The following UBAP2 variants were observed in gnomAD, a reference collection of about 807,000 sequenced individuals.
UBAP2 encodes ubiquitin associated protein 2, also known as ubiquitin-associated protein 2.
Under a neutral mutation model 139.6 loss-of-function variants are expected in UBAP2, and 75 were observed. The observed-to-expected ratio is 0.54, with a 90% CI of 0.45 to 0.65. The LOEUF is 0.65. UBAP2 is among the 30% of genes least tolerant of loss of function. The pLI is 0.00. For synonymous variants in UBAP2, 526 were observed against 526.2 expected (o/e 1.00, Z 0.01); for missense variants, 1,368 against 1,369.6 (o/e 1.00, Z 0.02).
chr9:33,948,776 A>C, intron 12 of UBAP2, 189 bp from the exon 13 acceptor site: 1 of 513,202 alleles, frequency 1.9e-6, no homozygotes, highest in Non-Finnish European at 3.4e-6. Flanking sequence ...AAATAAATGC[A>C]GCTATCCTTC....
rs186629031 is a variant in UBAP2 at position 34,024,125 on chromosome 9, G to A, written c.-41-6936C>T. ...TGTAATCCCAGCATTTTGGGAGGCC[G>A]AGCCGGCTGGATCACCTGAGGTCGG... On this transcript the variant is annotated intron_variant, in intron 1 of 28. Transcript: ENST00000379238. Among the ~76,000 whole-genome samples, 11 of 152,186 alleles carry A rather than the reference G, an allele frequency of 7.2e-5. No individual in the cohort carries two copies. The East Asian group carries it at 9.7e-4, about 13-fold the overall frequency.
chr9:33,950,064 TTTC>T (rs139439472), intron 12 of UBAP2, among the ~76,000 whole-genome samples: 29,108 of 151,904 alleles, frequency 0.19, 2,873 homozygotes, highest in South Asian at 0.36. Context: ...TAACATTTCT[TTTC>T]TTTTCTTTTT....
chr9:33,932,412 G>C, intron 19 of UBAP2, 150 bp downstream of exon 19: 1 of 869,238 alleles, frequency 1.2e-6, no homozygotes, highest in Non-Finnish European at 1.7e-6. Flanking sequence ...GAAATCAGAA[G>C]CTCGAACCAG....
At chr9:33,957,067 G>A (rs1826627562) in intron 10 of UBAP2, among the ~76,000 whole-genome samples, 1 of 151,426 alleles carries the variant, frequency 6.6e-6, no homozygotes, top group Admixed American at 6.6e-5. Context: ...CCAGCCTAGG[G>A]GACAAAGTGA....
intron 15 of UBAP2, among the ~76,000 whole-genome samples, chr9:33,942,951 A>G: frequency 6.6e-6 from 1 of 152,186 alleles, no homozygotes; most frequent in Non-Finnish European, 1.5e-5. Flanking sequence ...TGGGATATAC[A>G]TCCCAAAGAA....
chr9:33,964,166 G>A (rs143290998), intron 8 of UBAP2, among the ~76,000 whole-genome samples: 561 of 152,254 alleles, frequency 3.7e-3, no homozygotes, highest in African/African-American at 0.013. Flanking sequence ...CCTCATATCA[G>A]GAATAGATTT....
chr9:34,028,734 T>C (rs907727955), intron 1 of UBAP2, among the ~76,000 whole-genome samples: 1 of 151,890 alleles, frequency 6.6e-6, no homozygotes, highest in African/African-American at 2.4e-5. Context: ...CTGGAATCTC[T>C]TGAAAAGCAT....
chr9:33,936,781 A>G (rs978792582), intron 16 of UBAP2, among the ~76,000 whole-genome samples: 4 of 152,152 alleles, frequency 2.6e-5, no homozygotes, highest in African/African-American at 9.7e-5. Context: ...GAAATGGACA[A>G]ATTCCTTGAC....
At chr9:33,973,649 G>A (rs1428940972) in intron 6 of UBAP2, among the ~76,000 whole-genome samples, 1 of 152,170 alleles carries the variant, frequency 6.6e-6, no homozygotes, top group Non-Finnish European at 1.5e-5. Flanking sequence ...ACTAGTCTGT[G>A]ATCAAAGATC....
intron 1 of UBAP2, among the ~76,000 whole-genome samples, chr9:34,029,865 T>C (rs1318844749): frequency 1.3e-5 from 2 of 151,448 alleles, no homozygotes; most frequent in African/African-American, 4.8e-5. Context: ...GGGGCACCTG[T>C]AATCCCAGCT....
At chr9:34,035,510 A>ATATATATATATAT (rs1554692760) in intron 1 of UBAP2, among the ~76,000 whole-genome samples, 4 of 3,812 alleles carry the variant, frequency 1.0e-3, no homozygotes, top group African/African-American at 1.8e-3. Context: ...TAAAAAAAAA[A>ATATATATATATAT]AAAAATATAT....
In UBAP2 at chr9:33,927,824, T is replaced by C. The variant is rs1823591787; in HGVS notation, c.2344A>G (p.Ser782Gly). 1.2e-6 allele frequency: 2 copies of C among 1,613,640 alleles called. No homozygotes were observed. Among genetic ancestry groups the C allele is most frequent in the African/African-American group, 1.3e-5 (1 of 74,940 alleles). ...GTPASASSSS[S>G]RAAPLVTSGK... ...GAGGTCACCAAGGGCGCGGCCCTGC[T>C]ACTGCTGCTGGATGCACTCGCGGGG... Residue 782 changes from serine to glycine, a missense_variant, in exon 20 of 29, where the codon AGC becomes GGC. By Grantham distance (56) the Ser-to-Gly change is moderately conservative. Transcript: ENST00000379238.
At position 33,944,624 on chromosome 9, in the gene UBAP2, G is replaced by C. The variant is rs10971809; in HGVS notation, c.1286C>G (p.Pro429Arg). Reference sequence around the variant, plus strand: ...CTGGCTAAGAACTGGGGATGGCTCAGGTTGAGATTTGAAGTCTAAAAAAAG... The same window carrying C: ...CTGGCTAAGAACTGGGGATGGCTCACGTTGAGATTTGAAGTCTAAAAAAAG... ...VLSHLDFKSQ[P>R]EPSPVLSQLS... The change falls in exon 14 of 29, where the codon CCT (proline) becomes CGT (arginine). Residue 429 changes from proline to arginine, a missense_variant. By Grantham distance (103) the Pro-to-Arg change is moderately radical (BLOSUM62 -2). Transcript: ENST00000379238. 40 of 1,613,238 alleles carry C rather than the reference G, an allele frequency of 2.5e-5. No individual in the cohort carries two copies. The South Asian group carries it at 4.4e-4, about 18-fold the overall frequency.
chr9:33,980,163 AATCCAAATCCTGAC>A (rs1820513279), intron 6 of UBAP2, among the ~76,000 whole-genome samples: 1 of 149,712 alleles, frequency 6.7e-6, no homozygotes, highest in South Asian at 2.1e-4. Flanking sequence ...ATTCCGCTTT[AATCCAAATCCTGAC>A]ATTCTAATAA....
At chr9:33,991,202 A>G (rs1336252445) in intron 4 of UBAP2, among the ~76,000 whole-genome samples, 1 of 152,044 alleles carries the variant, frequency 6.6e-6, no homozygotes, top group Non-Finnish European at 1.5e-5. Context: ...AGGAGAATCA[A>G]TTGAACCTAG....
At chr9:34,004,497 A>G (rs1316134545) in intron 2 of UBAP2, among the ~76,000 whole-genome samples, 1 of 151,146 alleles carries the variant, frequency 6.6e-6, no homozygotes, top group Non-Finnish European at 1.5e-5. Flanking sequence ...AAAGGAAAAA[A>G]AAAGGCTGGG....
intron 16 of UBAP2, among the ~76,000 whole-genome samples, chr9:33,940,016 GGGAGGGAGA>G (rs1169579328): frequency 7.1e-4 from 104 of 145,870 alleles, no homozygotes; most frequent in African/African-American, 2.5e-3. Flanking sequence ...AAAGAGGAGG[GGGAGGGAGA>G]GGAGGGAGAG....
chr9:33,994,046 C>T (rs1271819485), intron 4 of UBAP2, among the ~76,000 whole-genome samples: 1 of 152,014 alleles, frequency 6.6e-6, no homozygotes, highest in Non-Finnish European at 1.5e-5. Flanking sequence ...AGGCGCCCAC[C>T]ACCACACCTG....
chr9:33,979,526 G>T (rs879170411), intron 6 of UBAP2, among the ~76,000 whole-genome samples: 4 of 151,940 alleles, frequency 2.6e-5, no homozygotes, highest in Non-Finnish European at 4.4e-5. Flanking sequence ...GGTGAGCCAA[G>T]ATCCCACCAT....
Sources: allele counts gnomAD v4.1 joint callset (sites outside exome capture counted in the v4.1 genomes callset), GRCh38; gene constraint gnomAD v4.1.1; transcripts MANE v1.5; gene names NCBI Gene and HGNC (gene_info 2026-07-23, HGNC 2026-07-21).